FAM169A: variants seen among roughly 807,000 people sequenced by gnomAD.
FAM169A encodes family with sequence similarity 169 member A, also known as soluble lamin-associated protein of 75 kDa.
A neutral mutation model predicts 75.7 loss-of-function variants in FAM169A; 24 were observed. That is an observed-to-expected ratio of 0.32 (90% CI 0.23 to 0.45). The LOEUF (loss-of-function observed/expected upper bound fraction) is 0.45. FAM169A is among the 20% of genes least tolerant of loss of function. The pLI is 1.00. For missense variants in FAM169A, 673 were observed against 784.0 expected (o/e 0.86, Z 1.69); for synonymous variants, 271 against 271.0 (o/e 1.00, Z 0.00).
At chr5:74,803,422 T>C (rs1308101116) in intron 8 of FAM169A, among the ~76,000 whole-genome samples, 2 of 152,264 alleles carry the variant, frequency 1.3e-5, no homozygotes, top group Admixed American at 6.5e-5. Flanking sequence ...TAAAAATGTT[T>C]ACAAATTTGC....
Position 74,804,611 on chromosome 5 carries a change from T to C in FAM169A, c.800-6A>G, listed in dbSNP as rs1202943847. 1 of 1,492,910 alleles carries C rather than the reference T, an allele frequency of 6.7e-7. No individual in the cohort carries two copies. Among genetic ancestry groups the C allele is most frequent in the Admixed American group, 1.8e-5 (1 of 56,246 alleles). 92.5% of individuals were successfully genotyped at this position (1,492,910 alleles called of 1,614,324 possible). A position where few individuals can be genotyped will look rare whatever the true frequency, so the allele number is the denominator to read the frequency against. ...AGGTTCATTTTGAGAAAGTGCTGCG[T>C]ATAGAAGAATTTTAAAAACTGTAAC... On this transcript the variant is annotated splice_polypyrimidine_tract_variant and splice_region_variant and intron_variant, in intron 7 of 12. Coordinates refer to ENST00000687041, the MANE Select transcript of FAM169A (RefSeq NM_001376049.1).
intron 5 of FAM169A, among the ~76,000 whole-genome samples, chr5:74,829,245 C>T (rs1208462534): frequency 6.6e-6 from 1 of 152,072 alleles, no homozygotes; most frequent in Non-Finnish European, 1.5e-5. Flanking sequence ...TCAAACGGAA[C>T]GACTATAAAA....
intron 5 of FAM169A, among the ~76,000 whole-genome samples, chr5:74,814,220 T>C (rs960375698): frequency 6.6e-6 from 1 of 152,184 alleles, no homozygotes. Context: ...AGGAGCTATG[T>C]ATTTTATGTT....
chr5:74,804,659 T>G (rs1367951072), intron 7 of FAM169A, 54 bp from the exon 8 acceptor site: 1 of 1,001,794 alleles, frequency 1.0e-6, no homozygotes, highest in African/African-American at 1.6e-5. Flanking sequence ...TGGTTTTAAC[T>G]CTAACATTGT....
At chr5:74,794,067 G>T (rs536358147) in intron 11 of FAM169A, among the ~76,000 whole-genome samples, 1 of 151,698 alleles carries the variant, frequency 6.6e-6, no homozygotes, top group Non-Finnish European at 1.5e-5. Flanking sequence ...ATGAGGGTGG[G>T]TATGGTGGGT....
At chr5:74,849,446 G>C (rs899809631) in intron 1 of FAM169A, among the ~76,000 whole-genome samples, 7 of 151,944 alleles carry the variant, frequency 4.6e-5, no homozygotes, top group African/African-American at 9.7e-5. Flanking sequence ...GCTTTGTGGA[G>C]AGAGGCAGAC....
intron 11 of FAM169A, among the ~76,000 whole-genome samples, chr5:74,788,174 G>A (rs1010919534): frequency 6.6e-6 from 1 of 152,182 alleles, no homozygotes; most frequent in Non-Finnish European, 1.5e-5. Flanking sequence ...AGTTAAAGTA[G>A]GGGCTTATGA....
At chr5:74,841,746 A>C in intron 1 of FAM169A, 67 bp from the exon 2 acceptor site, 12 of 1,363,234 alleles carry the variant, frequency 8.8e-6, no homozygotes, top group Non-Finnish European at 1.2e-5. Context: ...CTCACAGAAA[A>C]TAAATTTTAC....
rs117697767 is a variant in FAM169A at position 74,783,858 on chromosome 5, A to T, written c.1261-724T>A. 3.2e-3 allele frequency among the ~76,000 whole-genome samples: 481 copies of T among 152,326 alleles called. 16 individuals carry two copies. The highest frequency in any genetic ancestry group is 0.024 in the Admixed American group (371 of 15,300). ...AAGGGGAATTTTATTACCATTATTA[A>T]AATTATAAAACTGATGCATTCAAGT... On this transcript the variant is annotated intron_variant, in intron 11 of 12. Coordinates refer to ENST00000687041, the MANE Select transcript of FAM169A (RefSeq NM_001376049.1).
chr5:74,800,776 A>T (rs537814895), intron 10 of FAM169A, 104 bp downstream of exon 10: 18 of 364,562 alleles, frequency 4.9e-5, no homozygotes, highest in Non-Finnish European at 5.9e-5. Context: ...ACAATATAAA[A>T]TAGTATATAT....
chr5:74,846,618 C>T (rs1749169769), intron 1 of FAM169A, among the ~76,000 whole-genome samples: 1 of 152,114 alleles, frequency 6.6e-6, no homozygotes, highest in Non-Finnish European at 1.5e-5. Flanking sequence ...AATAAAGAAT[C>T]CAAAGTCATA....
chr5:74,824,744 C>T (rs1747936948), intron 5 of FAM169A, among the ~76,000 whole-genome samples: 1 of 151,634 alleles, frequency 6.6e-6, no homozygotes, highest in East Asian at 1.9e-4. Context: ...CACACACAAA[C>T]ACACTTTCTA....
At chr5:74,819,920 A>C (rs946535997) in intron 5 of FAM169A, among the ~76,000 whole-genome samples, 1 of 152,122 alleles carries the variant, frequency 6.6e-6, no homozygotes, top group Non-Finnish European at 1.5e-5. Context: ...CGGAGGGATG[A>C]AAATTATCTA....
intron 5 of FAM169A, among the ~76,000 whole-genome samples, chr5:74,826,898 A>C (rs909863605): frequency 6.6e-6 from 1 of 152,168 alleles, no homozygotes; most frequent in African/African-American, 2.4e-5. Context: ...ATATATCCCT[A>C]AACTCTGGTC....
intron 9 of FAM169A, 87 bp downstream of exon 9, chr5:74,801,503 C>T: frequency 2.9e-6 from 3 of 1,040,574 alleles, no homozygotes; most frequent in South Asian, 2.6e-5. Context: ...GGGTGACACA[C>T]CACACACACA....
At chr5:74,804,680 C>A in intron 7 of FAM169A, 75 bp from the exon 8 acceptor site, 1 of 812,300 alleles carries the variant, frequency 1.2e-6, no homozygotes, top group Non-Finnish European at 2.0e-6. Flanking sequence ...ACTGATTTTC[C>A]TAAAAGCTCT....
intron 5 of FAM169A, among the ~76,000 whole-genome samples, chr5:74,829,375 T>C (rs1049837608): frequency 2.0e-5 from 3 of 152,202 alleles, no homozygotes; most frequent in African/African-American, 7.2e-5. Flanking sequence ...TGGTTTCTTG[T>C]GAATGCAAGT....
At chr5:74,865,846 C>A (rs1168743737) in intron 1 of FAM169A, 1 of 152,388 alleles carries the variant, frequency 6.6e-6, no homozygotes, top group Admixed American at 6.5e-5. Context: ...GCCGCAGCTG[C>A]GAACCGGCCC....
intron 6 of FAM169A, among the ~76,000 whole-genome samples, chr5:74,812,850 T>C (rs1022358969): frequency 6.6e-6 from 1 of 152,172 alleles, no homozygotes; most frequent in Non-Finnish European, 1.5e-5. Context: ...AATACACAGA[T>C]AATAACAAAT....
Sources: allele counts gnomAD v4.1 joint callset (sites outside exome capture counted in the v4.1 genomes callset), GRCh38; gene constraint gnomAD v4.1.1; transcripts MANE v1.5; gene names NCBI Gene and HGNC (gene_info 2026-07-23, HGNC 2026-07-21).